Variants in LRRC4C observed in about 807,000 individuals in gnomAD.
LRRC4C encodes the protein leucine-rich repeat-containing protein 4C.
A neutral mutation model predicts 33.6 loss-of-function variants in LRRC4C; 5 were observed. The ratio of observed to expected loss-of-function variants is 0.15; its 90% confidence interval spans 0.08 to 0.31. LRRC4C has a LOEUF of 0.31. LRRC4C is among the 10% of genes least tolerant of loss of function. The probability of loss-of-function intolerance (pLI) is 1.00; values close to 1 mark genes in which losing one functional copy is unlikely to be tolerated. For missense variants in LRRC4C, 560 were observed against 796.7 expected, an observed-to-expected ratio of 0.70 and a Z score of 3.58; for synonymous variants, 329 against 302.0, an observed-to-expected ratio of 1.09 and a Z score of -0.93.
intron 5 of LRRC4C, among the ~76,000 whole-genome samples, chr11:40,222,660 C>T (rs1864501610): frequency 6.6e-6 from 1 of 152,156 alleles, no homozygotes; most frequent in Non-Finnish European, 1.5e-5. Flanking sequence ...AATTCCTGTA[C>T]ATTCAATAAG....
In LRRC4C at chr11:41,285,866, G is replaced by A. The variant is rs113099715; in HGVS notation, c.-496+173565C>T. On this transcript the variant is annotated intron_variant, in intron 1 of 6. Coordinates refer to ENST00000528697, the MANE Select transcript of LRRC4C (RefSeq NM_001258419.2). ...TATTTTTGAGATGGAGTCTTGCTCT[G>A]TCACCCAGGCTGGAGCGCAGTGGCA... 5.2e-3 allele frequency among the ~76,000 whole-genome samples: 795 copies of A among 151,956 alleles called. 3 individuals carry two copies. Among genetic ancestry groups the A allele is most frequent in the African/African-American group, 0.017 (713 of 41,426 alleles).
At chr11:41,076,635 A>T (rs1245840957) in intron 1 of LRRC4C, among the ~76,000 whole-genome samples, 1 of 152,186 alleles carries the variant, frequency 6.6e-6, no homozygotes, top group African/African-American at 2.4e-5. Context: ...GGATTACATT[A>T]TTATATTTCA....
chr11:40,256,521 A>G (rs1238183505), intron 4 of LRRC4C, among the ~76,000 whole-genome samples: 1 of 152,182 alleles, frequency 6.6e-6, no homozygotes, highest in East Asian at 1.9e-4. Context: ...TGTGCCCAGA[A>G]AAGAACAGAC....
chr11:41,029,005 TACTTATGC>T (rs2137791464), intron 1 of LRRC4C, among the ~76,000 whole-genome samples: 1 of 151,920 alleles, frequency 6.6e-6, no homozygotes, highest in African/African-American at 2.4e-5. Flanking sequence ...TGTCTTCATA[TACTTATGC>T]ACTTATGAAA....
chr11:40,808,922 G>A (rs1315114200), intron 2 of LRRC4C, among the ~76,000 whole-genome samples: 1 of 151,968 alleles, frequency 6.6e-6, no homozygotes, highest in Non-Finnish European at 1.5e-5. Context: ...TATACCTAAT[G>A]CCAAACTTTT....
intron 1 of LRRC4C, among the ~76,000 whole-genome samples, chr11:40,939,483 T>C (rs1958048788): frequency 6.6e-6 from 1 of 151,018 alleles, no homozygotes; most frequent in Admixed American, 6.6e-5. Context: ...GCTTAAAAAG[T>C]GAAAAATACC....
rs187083821 is a variant in LRRC4C at position 40,129,248 on chromosome 11, A to G, written c.-43+11553T>C. Reference sequence around the variant, plus strand: ...CATTCACATAGCAGGAATTTCATTGATTTTTGGAATAATGTTTTCCAGTTT... The same window carrying G: ...CATTCACATAGCAGGAATTTCATTGGTTTTTGGAATAATGTTTTCCAGTTT... On this transcript the variant is annotated intron_variant, in intron 6 of 6. Transcript: ENST00000528697. Among the ~76,000 whole-genome samples, 42 of 152,264 alleles carry G rather than the reference A, an allele frequency of 2.8e-4. No individual in the cohort carries two copies. The East Asian group carries it at 7.3e-3, about 27-fold the overall frequency.
At chr11:40,896,396 A>T (rs1424387885) in intron 2 of LRRC4C, among the ~76,000 whole-genome samples, 1 of 152,164 alleles carries the variant, frequency 6.6e-6, no homozygotes. Flanking sequence ...AGGGGAAAAA[A>T]TCACATCTTC....
At chr11:40,378,556 A>C (rs1215251719) in intron 3 of LRRC4C, among the ~76,000 whole-genome samples, 1 of 152,116 alleles carries the variant, frequency 6.6e-6, no homozygotes, top group Non-Finnish European at 1.5e-5. Context: ...AAACTTTAAA[A>C]TATTGAAAGA....
chr11:40,128,765 C>T (rs1022679287), intron 6 of LRRC4C, among the ~76,000 whole-genome samples: 1 of 152,078 alleles, frequency 6.6e-6, no homozygotes, highest in Admixed American at 6.6e-5. Flanking sequence ...TACTAGGATT[C>T]CCTCTGCCTG....
chr11:41,434,186 T>C (rs1007414966), intron 1 of LRRC4C, among the ~76,000 whole-genome samples: 1 of 152,114 alleles, frequency 6.6e-6, no homozygotes, highest in Non-Finnish European at 1.5e-5. Flanking sequence ...GATTCCCAAT[T>C]TATTTGTAAA....
At chr11:41,301,255 AT>A (rs1950279115) in intron 1 of LRRC4C, among the ~76,000 whole-genome samples, 1 of 152,166 alleles carries the variant, frequency 6.6e-6, no homozygotes, top group African/African-American at 2.4e-5. Context: ...TCTTATTGGA[AT>A]TACGTCATTT....
intron 3 of LRRC4C, among the ~76,000 whole-genome samples, chr11:40,603,856 T>C (rs1295245133): frequency 1.3e-5 from 2 of 152,172 alleles, no homozygotes; most frequent in South Asian, 2.1e-4. Flanking sequence ...ATAAAAATTA[T>C]AGTAAACAAT....
chr11:40,443,316 C>T (rs745767998), intron 3 of LRRC4C, among the ~76,000 whole-genome samples: 29 of 152,158 alleles, frequency 1.9e-4, no homozygotes, highest in Non-Finnish European at 3.8e-4. Flanking sequence ...CTAAAAATTT[C>T]TGTGGCGGCG....
chr11:40,156,186 T>C (rs1858676156), intron 5 of LRRC4C, among the ~76,000 whole-genome samples: 1 of 152,146 alleles, frequency 6.6e-6, no homozygotes, highest in Non-Finnish European at 1.5e-5. Flanking sequence ...AAAATCAGCA[T>C]ACAAGAGACA....
chr11:40,115,238 T>C lies in LRRC4C; in HGVS notation c.1055A>G (p.Tyr352Cys), dbSNP rs1175148260. 2 of 1,614,046 alleles carry C rather than the reference T, an allele frequency of 1.2e-6. No individual in the cohort carries two copies. The highest frequency in any genetic ancestry group is 2.2e-5 in the East Asian group (1 of 44,880). Reference protein sequence around the residue: ...GELDQNYFTCYAPVIVEPPAD... With the variant: ...GELDQNYFTCCAPVIVEPPAD... ...AGGGGGCTCCACAATCACCGGAGCA[T>C]AGCATGTGAAGTAATTCTGGTCGAG... Residue 352 changes from tyrosine to cysteine, a missense_variant, in exon 7 of 7, where the codon TAT becomes TGT. This residue lies in a region of LRRC4C where 455 missense variants were observed against 643.8 expected (regional missense o/e 0.71). Coordinates refer to ENST00000528697, the MANE Select transcript of LRRC4C (RefSeq NM_001258419.2). The surrounding 1 kb of genome is among the most constrained non-coding windows in gnomAD (Gnocchi z 6.7).
chr11:40,988,838 T>G (rs950087823), intron 1 of LRRC4C, among the ~76,000 whole-genome samples: 30 of 145,574 alleles, frequency 2.1e-4, no homozygotes, highest in Non-Finnish European at 1.1e-4. Context: ...TGCCTCAGCC[T>G]CCCGAGTAGC....
At chr11:40,503,624 C>T (rs933240469) in intron 3 of LRRC4C, among the ~76,000 whole-genome samples, 1 of 152,202 alleles carries the variant, frequency 6.6e-6, no homozygotes, top group African/African-American at 2.4e-5. Context: ...TTGCATGACA[C>T]AGGACTCAAA....
At chr11:40,883,913 T>G (rs992305947) in intron 2 of LRRC4C, among the ~76,000 whole-genome samples, 1 of 151,822 alleles carries the variant, frequency 6.6e-6, no homozygotes, top group Non-Finnish European at 1.5e-5. Flanking sequence ...TTTTTAATTT[T>G]ACTTTAAGTT....
Sources: gnomAD v4.1 joint callset for allele counts (sites outside exome capture counted in the v4.1 genomes callset) on GRCh38, gnomAD v4.1.1 for gene constraint, gnomAD v4.1.1 regional missense constraint, Gnocchi (gnomAD v3.1) non-coding constraint, MANE v1.5 for transcripts, NCBI Gene and HGNC (gene_info 2026-07-23, HGNC 2026-07-21) for gene names.